MCMDC2: variants seen among roughly 807,000 people sequenced by gnomAD.
MCMDC2 encodes minichromosome maintenance domain containing 2, also known as minichromosome maintenance domain-containing protein 2.
Under a neutral mutation model 75.8 loss-of-function variants are expected in MCMDC2, and 54 were observed. The observed-to-expected ratio is 0.71, with a 90% CI of 0.57 to 0.89. The LOEUF (loss-of-function observed/expected upper bound fraction) is 0.89, where lower values mean the gene tolerates loss of function less well. Ranked by LOEUF, MCMDC2 falls within the 40% of genes least tolerant of loss-of-function variation. The pLI is 0.00. For synonymous variants in MCMDC2, 249 were observed against 274.6 expected, an observed-to-expected ratio of 0.91 and a Z score of 0.92; for missense variants, 656 against 780.4, an observed-to-expected ratio of 0.84 and a Z score of 1.90.
rs964258645 is a variant in MCMDC2, at chr8:66,887,748, A to G, written c.1074-3117A>G. ...CTCCCAGAGATTGGTAGGAGGTATG[A>G]GTTAAAGTTAATGTTTTTCCTATGC... On this transcript the variant is annotated intron_variant, in intron 9 of 14. Coordinates refer to ENST00000422365, the MANE Select transcript of MCMDC2 (RefSeq NM_173518.5). 3.9e-5 allele frequency among the ~76,000 whole-genome samples: 6 copies of G among 151,956 alleles called. No homozygotes were observed. The South Asian group carries it at 1.2e-3, about 31-fold the overall frequency.
At chr8:66,875,010 C>T (rs1811211120) in intron 4 of MCMDC2, among the ~76,000 whole-genome samples, 1 of 152,028 alleles carries the variant, frequency 6.6e-6, no homozygotes, top group African/African-American at 2.4e-5. Context: ...CACATTGGCA[C>T]CCTGAAGTGC....
At chr8:66,906,000 A>G (rs1338066410) in intron 14 of MCMDC2, among the ~76,000 whole-genome samples, 95 of 149,802 alleles carry the variant, frequency 6.3e-4, no homozygotes, top group Admixed American at 2.8e-3. Context: ...GTGAGACTCC[A>G]TCTCAAAAAA....
chr8:66,876,689 C>T (rs1422299168), intron 4 of MCMDC2, among the ~76,000 whole-genome samples: 1 of 152,086 alleles, frequency 6.6e-6, no homozygotes. Flanking sequence ...GGGCACTAGG[C>T]GTGCTTCTTT....
In MCMDC2 at chr8:66,903,054, G is replaced by A. The variant is rs545357857; in HGVS notation, c.1769+1706G>A. Among the ~76,000 whole-genome samples, 41 of 151,540 alleles carry A rather than the reference G, an allele frequency of 2.7e-4. No homozygotes were observed. The South Asian group carries it at 7.7e-3, about 28-fold the overall frequency. On this transcript the variant is annotated intron_variant, in intron 13 of 14. Coordinates refer to ENST00000422365, the MANE Select transcript of MCMDC2 (RefSeq NM_173518.5). ...GGAGAATCACTTGTACCTGGGAGGC[G>A]GAGGTTGCAGTGAGCTGCAATTGGG...
chr8:66,906,527 TG>T (rs1477431308), intron 14 of MCMDC2, among the ~76,000 whole-genome samples: 2 of 152,114 alleles, frequency 1.3e-5, no homozygotes, highest in Non-Finnish European at 2.9e-5. Flanking sequence ...AATATACAAA[TG>T]TACACATGTG....
intron 6 of MCMDC2, 59 bp downstream of exon 6, chr8:66,878,755 A>G (rs1442955826): frequency 6.9e-7 from 1 of 1,442,034 alleles, no homozygotes; most frequent in Non-Finnish European, 9.4e-7. Context: ...ATATTTCAAT[A>G]TGGAAATTAA....
intron 12 of MCMDC2, among the ~76,000 whole-genome samples, chr8:66,897,682 T>G (rs1304117993): frequency 2.0e-5 from 3 of 152,218 alleles, no homozygotes; most frequent in Non-Finnish European, 4.4e-5. Flanking sequence ...GAGTCCTGAC[T>G]TTAGGGGATA....
intron 7 of MCMDC2, among the ~76,000 whole-genome samples, chr8:66,879,687 G>A (rs1390157071): frequency 6.6e-6 from 1 of 152,184 alleles, no homozygotes; most frequent in African/African-American, 2.4e-5. Flanking sequence ...ATTCTTGAGT[G>A]TTTTAAAAGA....
intron 1 of MCMDC2, among the ~76,000 whole-genome samples, chr8:66,871,976 T>C (rs1811044492): frequency 6.6e-6 from 1 of 152,040 alleles, no homozygotes; most frequent in African/African-American, 2.4e-5. Flanking sequence ...CTATATAATC[T>C]TCAAAAGCGT....
intron 14 of MCMDC2, among the ~76,000 whole-genome samples, chr8:66,906,781 A>T (rs1184426830): frequency 6.6e-6 from 1 of 150,672 alleles, no homozygotes; most frequent in Non-Finnish European, 1.5e-5. Flanking sequence ...TATTATTATT[A>T]TTATTTTTTT....
intron 12 of MCMDC2, among the ~76,000 whole-genome samples, chr8:66,898,157 C>T (rs1812448854): frequency 1.3e-5 from 2 of 152,194 alleles, no homozygotes; most frequent in South Asian, 4.1e-4. Context: ...TATGGACAGG[C>T]TAATGGCCCT....
chr8:66,912,722 G>T (rs1005669328), intron 14 of MCMDC2, among the ~76,000 whole-genome samples: 1 of 152,140 alleles, frequency 6.6e-6, no homozygotes, highest in African/African-American at 2.4e-5. Flanking sequence ...ACTCATAAGT[G>T]GGAGTTGAAC....
chr8:66,922,585 C>T (rs368646797), downstream of MCMDC2: 3 of 513,778 alleles, frequency 5.8e-6, no homozygotes, highest in South Asian at 1.4e-5. Flanking sequence ...GAATACATCA[C>T]ATAACTAACA....
chr8:66,911,409 G>A (rs1813116698), intron 14 of MCMDC2, among the ~76,000 whole-genome samples: 1 of 152,160 alleles, frequency 6.6e-6, no homozygotes, highest in Non-Finnish European at 1.5e-5. Flanking sequence ...CCTCAGCCAT[G>A]CTGAACTGTG....
chr8:66,905,144 A>G lies in MCMDC2; in HGVS notation c.1770-82A>G, dbSNP rs565258587. ...CTTTAGGTGTGGCTAAGGTTCATAT[A>G]TATCTCGATTTGTTCCTGCCAAAAT... is the stretch of plus-strand genomic sequence containing the variant. On this transcript the variant is annotated intron_variant, in intron 13 of 14. Coordinates refer to ENST00000422365, the MANE Select transcript of MCMDC2 (RefSeq NM_173518.5). 341 of 1,106,926 alleles carry G rather than the reference A, an allele frequency of 3.1e-4. 5 individuals are homozygous for G. In the South Asian group the frequency reaches 9.6e-3, roughly 31 times the overall value. The allele number at this position is 1,106,926 out of a possible 1,614,324, so 68.6% of individuals were successfully genotyped here.
At chr8:66,904,087 TTAA>T (rs1381998835) in intron 13 of MCMDC2, among the ~76,000 whole-genome samples, 1 of 152,168 alleles carries the variant, frequency 6.6e-6, no homozygotes, top group African/African-American at 2.4e-5. Flanking sequence ...AATATGGCTA[TTAA>T]TAATACTGAG....
rs535527470 is a variant in MCMDC2 at position 66,891,345 on chromosome 8, G to T, written c.1279+275G>T. On this transcript the variant is annotated intron_variant, in intron 10 of 14. Transcript: ENST00000422365. ...GTGATAGCATTAGCTACCACTTCCA[G>T]TATAAAGTTGAAAAGTAGTGTTGAG... Among the ~76,000 whole-genome samples the T allele has an allele frequency of 2.6e-5, 4 of 152,182 alleles. No individual in the cohort carries two copies. In the South Asian group the frequency reaches 8.3e-4, roughly 31 times the overall value.
intron 14 of MCMDC2, among the ~76,000 whole-genome samples, chr8:66,908,524 G>A (rs1002443248): frequency 9.2e-5 from 14 of 152,202 alleles, no homozygotes; most frequent in Admixed American, 1.3e-4. Flanking sequence ...ACTGGAGTAC[G>A]GTAATAAGAT....
downstream of MCMDC2, among the ~76,000 whole-genome samples, chr8:66,924,377 A>C (rs1813655833): frequency 1.3e-5 from 2 of 152,086 alleles, no homozygotes; most frequent in African/African-American, 4.8e-5. Flanking sequence ...CTATAATCCC[A>C]GCACTTTGAG....
Sources: gnomAD v4.1 joint callset for allele counts (sites outside exome capture counted in the v4.1 genomes callset) on GRCh38, gnomAD v4.1.1 for gene constraint, MANE v1.5 for transcripts, NCBI Gene and HGNC (gene_info 2026-07-23, HGNC 2026-07-21) for gene names.